ROR1: variants seen among roughly 807,000 people sequenced by gnomAD.
ROR1 encodes the protein inactive tyrosine-protein kinase transmembrane receptor ROR1.
ROR1 carries 19 observed loss-of-function variants against 78.8 expected under a neutral mutation model. That is an observed-to-expected ratio of 0.24 (90% CI 0.17 to 0.35). ROR1 has a LOEUF of 0.35. Among genes scored for constraint, ROR1 ranks in the 10% least tolerant of loss-of-function variants. The pLI is 1.00. For synonymous variants in ROR1, 386 were observed against 433.6 expected, an observed-to-expected ratio of 0.89 and a Z score of 1.36; for missense variants, 917 against 1,177.8, an observed-to-expected ratio of 0.78 and a Z score of 3.24.
At chr1:63,886,040 G>C (rs1468991306) in intron 1 of ROR1, among the ~76,000 whole-genome samples, 1 of 152,172 alleles carries the variant, frequency 6.6e-6, no homozygotes, top group African/African-American at 2.4e-5. Flanking sequence ...ATGGGAGACA[G>C]TGTCAGATCA....
At chr1:63,830,175 TG>T (rs1557516938) in intron 1 of ROR1, among the ~76,000 whole-genome samples, 1 of 152,108 alleles carries the variant, frequency 6.6e-6, no homozygotes, top group East Asian at 1.9e-4. Context: ...AGAGCAGTTT[TG>T]AATCTGCTTT....
At chr1:63,907,136 T>C (rs1347226292) in intron 1 of ROR1, among the ~76,000 whole-genome samples, 1 of 152,188 alleles carries the variant, frequency 6.6e-6, no homozygotes. Context: ...CCCCAGATAC[T>C]TTGGGTCTCA....
intron 4 of ROR1, among the ~76,000 whole-genome samples, chr1:64,132,262 C>G (rs146812162): frequency 6.6e-6 from 1 of 152,258 alleles, no homozygotes; most frequent in Non-Finnish European, 1.5e-5. Flanking sequence ...ATAATATAGT[C>G]TATTGTATGT....
chr1:63,874,890 CT>C (rs1263717196), intron 1 of ROR1, among the ~76,000 whole-genome samples: 1 of 151,994 alleles, frequency 6.6e-6, no homozygotes, highest in Non-Finnish European at 1.5e-5. Flanking sequence ...TTGTAAAATA[CT>C]GTAAAGATAT....
intron 1 of ROR1, among the ~76,000 whole-genome samples, chr1:63,866,824 A>G (rs928021456): frequency 1.3e-5 from 2 of 152,168 alleles, no homozygotes; most frequent in Non-Finnish European, 2.9e-5. Context: ...TCCTTTCTGT[A>G]CAGAAAGTTA....
intron 1 of ROR1, among the ~76,000 whole-genome samples, chr1:63,928,920 C>T (rs74079509): frequency 0.029 from 4,452 of 152,274 alleles, 232 homozygotes; most frequent in African/African-American, 0.1. Flanking sequence ...ACACAGTGTG[C>T]CCTCTGTCAG....
chr1:63,980,655 T>C (rs149401566), intron 1 of ROR1, among the ~76,000 whole-genome samples: 2 of 152,372 alleles, frequency 1.3e-5, no homozygotes, highest in East Asian at 3.9e-4. Context: ...TTCAATCTCC[T>C]TCTTTTCCAT....
At chr1:64,103,640 C>T (rs1647663470) in intron 4 of ROR1, among the ~76,000 whole-genome samples, 1 of 152,008 alleles carries the variant, frequency 6.6e-6, no homozygotes, top group Non-Finnish European at 1.5e-5. Context: ...TCAAATGAGT[C>T]CTTATAAGTA....
chr1:64,043,745 G>A (rs559104532), intron 2 of ROR1, among the ~76,000 whole-genome samples: 4 of 152,282 alleles, frequency 2.6e-5, no homozygotes, highest in East Asian at 3.9e-4. Context: ...GTTCAAAGGC[G>A]TGGGTTTGGG....
chr1:63,995,108 T>C (rs983035410), intron 1 of ROR1, among the ~76,000 whole-genome samples: 5 of 152,204 alleles, frequency 3.3e-5, no homozygotes, highest in Admixed American at 3.3e-4. Context: ...ATGTAGATAT[T>C]GACACCCGGC....
At chr1:63,885,083 C>T (rs1461847685) in intron 1 of ROR1, among the ~76,000 whole-genome samples, 2 of 152,088 alleles carry the variant, frequency 1.3e-5, no homozygotes, top group Admixed American at 6.5e-5. Context: ...TGGGTTAATA[C>T]ATGGAAAACA....
chr1:63,838,294 C>T (rs1408435025), intron 1 of ROR1, among the ~76,000 whole-genome samples: 1 of 151,644 alleles, frequency 6.6e-6, no homozygotes, highest in Non-Finnish European at 1.5e-5. Context: ...TCCTGAAGGA[C>T]CTGAAGGCAG....
Position 63,923,962 on chromosome 1 carries a change from C to G in ROR1, c.92-85343C>G, listed in dbSNP as rs529564519. Among the ~76,000 whole-genome samples the G allele has an allele frequency of 1.8e-3, 271 of 152,116 alleles. 2 individuals carry two copies. Among genetic ancestry groups the G allele is most frequent in the Admixed American group, 3.4e-3 (52 of 15,232 alleles). On this transcript the variant is annotated intron_variant, in intron 1 of 8. Coordinates refer to ENST00000371079, the MANE Select transcript of ROR1 (RefSeq NM_005012.4). ...CTGTTTGTCCCCTTTGCCTGGAATG[C>G]TATTCTCCAAGATCTTTGCATAGCT...
At chr1:64,027,834 C>T (rs753728968) in intron 2 of ROR1, among the ~76,000 whole-genome samples, 3 of 151,944 alleles carry the variant, frequency 2.0e-5, no homozygotes, top group African/African-American at 7.2e-5. Flanking sequence ...ATTACAGGCA[C>T]CTGCCACCAC....
chr1:63,875,717 T>G (rs1645280718), intron 1 of ROR1, among the ~76,000 whole-genome samples: 1 of 152,208 alleles, frequency 6.6e-6, no homozygotes, highest in Non-Finnish European at 1.5e-5. Flanking sequence ...TTGGTTGTTC[T>G]GAAGAATGTA....
At chr1:63,921,544 C>G (rs1231561219) in intron 1 of ROR1, among the ~76,000 whole-genome samples, 1 of 151,998 alleles carries the variant, frequency 6.6e-6, no homozygotes, top group Non-Finnish European at 1.5e-5. Context: ...ACCATGTGCA[C>G]CAAAGGAATC....
At chr1:64,045,256 A>G (rs1210729255) in intron 2 of ROR1, among the ~76,000 whole-genome samples, 1 of 152,094 alleles carries the variant, frequency 6.6e-6, no homozygotes, top group African/African-American at 2.4e-5. Flanking sequence ...CTAAAACAAC[A>G]TACCTCAACA....
chr1:64,136,639 C>G (rs769971932), intron 4 of ROR1, among the ~76,000 whole-genome samples: 11 of 152,090 alleles, frequency 7.2e-5, no homozygotes, highest in Non-Finnish European at 1.0e-4. Context: ...GTCCCTCTGT[C>G]TTCAAGATGA....
At chr1:64,121,973 G>A (rs1267306583) in intron 4 of ROR1, among the ~76,000 whole-genome samples, 1 of 152,196 alleles carries the variant, frequency 6.6e-6, no homozygotes, top group Non-Finnish European at 1.5e-5. Context: ...ACCTGCACCA[G>A]CTGCCACAAC....
Sources: gnomAD v4.1 joint callset for allele counts (sites outside exome capture counted in the v4.1 genomes callset) on GRCh38, gnomAD v4.1.1 for gene constraint, MANE v1.5 for transcripts, NCBI Gene and HGNC (gene_info 2026-07-23, HGNC 2026-07-21) for gene names.